Variants in DGKB observed in about 807,000 individuals in gnomAD.
DGKB encodes 90 kDa diacylglycerol kinase.
Under a neutral mutation model 114.3 loss-of-function variants are expected in DGKB, and 67 were observed. The observed-to-expected ratio is 0.59, with a 90% CI of 0.48 to 0.72. The LOEUF (loss-of-function observed/expected upper bound fraction) is 0.72, where lower values mean the gene tolerates loss of function less well. Ranked by LOEUF, DGKB falls within the 30% of genes least tolerant of loss-of-function variation. The pLI, the probability that DGKB is intolerant of heterozygous loss-of-function variation, is 0.00. For synonymous variants in DGKB, 398 were observed against 323.1 expected (o/e 1.23, Z -2.49); for missense variants, 907 against 975.2 (o/e 0.93, Z 0.93).
chr7:14,344,398 AGGCCATTGTGT>A (rs1161438019), intron 22 of DGKB, among the ~76,000 whole-genome samples: 1 of 151,720 alleles, frequency 6.6e-6, no homozygotes, highest in African/African-American at 2.4e-5. Context: ...GAACTTAGCC[AGGCCATTGTGT>A]GGTCCATAAC....
chr7:14,559,494 G>A (rs958278319), intron 20 of DGKB, among the ~76,000 whole-genome samples: 8 of 152,218 alleles, frequency 5.3e-5, no homozygotes, highest in Admixed American at 5.2e-4. Flanking sequence ...TTCAGGTTGG[G>A]CCTTAGTTCT....
At chr7:14,468,933 G>A (rs972185832) in intron 21 of DGKB, among the ~76,000 whole-genome samples, 9 of 151,718 alleles carry the variant, frequency 5.9e-5, no homozygotes, top group African/African-American at 2.2e-4. Flanking sequence ...GGAATCGAAA[G>A]GCAAAATCAA....
Position 14,869,659 on chromosome 7 carries a change from C to G in DGKB, c.-187-28209G>C, listed in dbSNP as rs146652729. On this transcript the variant is annotated intron_variant, in intron 1 of 25. Coordinates refer to ENST00000402815, the MANE Select transcript of DGKB (RefSeq NM_001350709.2). ...CTCACTGAACTATGTGAAAATAGAC[C>G]ATTAATAGGGAAGAATATATTATAC... Among the ~76,000 whole-genome samples, 748 of 152,092 alleles carry G rather than the reference C, an allele frequency of 4.9e-3. 17 individuals are homozygous for G. The highest frequency in any genetic ancestry group is 0.03 in the East Asian group (157 of 5,168).
At chr7:14,359,972 C>T (rs1386821444) in intron 21 of DGKB, among the ~76,000 whole-genome samples, 1 of 151,840 alleles carries the variant, frequency 6.6e-6, no homozygotes, top group Non-Finnish European at 1.5e-5. Flanking sequence ...AGATATATAC[C>T]CAAAGGATTA....
intron 2 of DGKB, among the ~76,000 whole-genome samples, chr7:14,772,863 C>G (rs1837620052): frequency 6.6e-6 from 1 of 152,118 alleles, no homozygotes; most frequent in South Asian, 2.1e-4. Context: ...GCCTTTCTCA[C>G]CCCTCACCAG....
intron 23 of DGKB, among the ~76,000 whole-genome samples, chr7:14,265,279 C>T (rs941347791): frequency 1.4e-5 from 2 of 142,610 alleles, no homozygotes; most frequent in African/African-American, 5.3e-5. Context: ...GGTTAGCATA[C>T]ACTTTCTCAA....
intron 21 of DGKB, among the ~76,000 whole-genome samples, chr7:14,402,195 A>T (rs1295006913): frequency 2.6e-5 from 4 of 151,852 alleles, no homozygotes; most frequent in African/African-American, 9.7e-5. Flanking sequence ...TAAAAGAAAG[A>T]AGGAAGATTG....
intron 1 of DGKB, among the ~76,000 whole-genome samples, chr7:14,852,487 C>CAACAACAAAA (rs1849497067): frequency 1.6e-5 from 1 of 63,636 alleles, no homozygotes; most frequent in Non-Finnish European, 3.0e-5. Flanking sequence ...TAGTGAAAGT[C>CAACAACAAAA]AAAAAAAAAA....
At chr7:14,375,869 T>C (rs1026742902) in intron 21 of DGKB, among the ~76,000 whole-genome samples, 2 of 152,214 alleles carry the variant, frequency 1.3e-5, no homozygotes, top group African/African-American at 4.8e-5. Flanking sequence ...GAGTTCACCA[T>C]AAACATTTGT....
intron 2 of DGKB, among the ~76,000 whole-genome samples, chr7:14,818,109 C>T (rs1333285846): frequency 6.6e-6 from 1 of 151,966 alleles, no homozygotes; most frequent in African/African-American, 2.4e-5. Context: ...TAACAAAATC[C>T]CAGAAGATTA....
chr7:14,283,884 A>C (rs1800378183), intron 23 of DGKB, among the ~76,000 whole-genome samples: 1 of 152,092 alleles, frequency 6.6e-6, no homozygotes. Flanking sequence ...TAAAGACTTA[A>C]ACGTTAGACC....
At chr7:14,388,972 A>G (rs909829949) in intron 21 of DGKB, among the ~76,000 whole-genome samples, 1 of 152,182 alleles carries the variant, frequency 6.6e-6, no homozygotes, top group African/African-American at 2.4e-5. Context: ...CACTCTTGGA[A>G]TGATCATTTA....
At chr7:14,263,185 T>C (rs1309388258) in intron 23 of DGKB, among the ~76,000 whole-genome samples, 1 of 152,116 alleles carries the variant, frequency 6.6e-6, no homozygotes, top group Non-Finnish European at 1.5e-5. Flanking sequence ...ACATAAACCG[T>C]TTTCTATGTG....
chr7:14,947,145 T>C (rs1249560445), intron 1 of DGKB, among the ~76,000 whole-genome samples: 1 of 151,570 alleles, frequency 6.6e-6, no homozygotes, highest in Non-Finnish European at 1.5e-5. Context: ...AATTCTAATT[T>C]TTGAGATGAT....
At chr7:14,356,810 A>G (rs1348477468) in intron 21 of DGKB, among the ~76,000 whole-genome samples, 2 of 152,196 alleles carry the variant, frequency 1.3e-5, no homozygotes, top group South Asian at 2.1e-4. Flanking sequence ...CTTTGTTCTC[A>G]TTGGTTTCAA....
chr7:14,565,312 G>C (rs976389436), intron 20 of DGKB, among the ~76,000 whole-genome samples: 1 of 152,136 alleles, frequency 6.6e-6, no homozygotes, highest in Non-Finnish European at 1.5e-5. Flanking sequence ...AGGGAGACCA[G>C]CATAGAATAG....
chr7:14,646,709 A>G (rs1478226691), intron 13 of DGKB, among the ~76,000 whole-genome samples: 2 of 152,128 alleles, frequency 1.3e-5, no homozygotes, highest in African/African-American at 4.8e-5. Flanking sequence ...GTACAAATAC[A>G]TGGAAATTAA....
rs141570087 is a variant in DGKB, at chr7:14,347,437, C to G, written c.1836-2046G>C. Among the ~76,000 whole-genome samples the G allele has an allele frequency of 2.8e-3, 431 of 152,096 alleles. 1 individual carries two copies. The highest frequency in any genetic ancestry group is 0.01 in the African/African-American group (420 of 41,516). ...ACCATGTGATCCAGCAATCTCTCTT[C>G]TGTATATATACCCCAAAGAAATGAA... On this transcript the variant is annotated intron_variant, in intron 21 of 25. Transcript: ENST00000402815.
At chr7:14,154,699 A>G (rs1365060682) in intron 25 of DGKB, among the ~76,000 whole-genome samples, 1 of 152,014 alleles carries the variant, frequency 6.6e-6, no homozygotes, top group Non-Finnish European at 1.5e-5. Flanking sequence ...AAAAAAACAA[A>G]CAAACAACAA....
Sources: gnomAD v4.1 joint callset for allele counts (sites outside exome capture counted in the v4.1 genomes callset) on GRCh38, gnomAD v4.1.1 for gene constraint, MANE v1.5 for transcripts, NCBI Gene and HGNC (gene_info 2026-07-23, HGNC 2026-07-21) for gene names.